Variants in ETF1 observed in about 807,000 individuals in gnomAD.
The protein encoded by ETF1 is eukaryotic peptide chain release factor subunit 1.
In ETF1, 4 loss-of-function variants were observed where a neutral mutation model predicts 55.1. The observed-to-expected ratio is 0.07, with a 90% confidence interval of 0.04 to 0.17. ETF1 has a LOEUF of 0.17. Among genes scored for constraint, ETF1 ranks in the 10% least tolerant of loss-of-function variants. The probability of loss-of-function intolerance (pLI) is 1.00; values close to 1 mark genes in which losing one functional copy is unlikely to be tolerated. For synonymous variants in ETF1, 157 were observed against 182.3 expected, an observed-to-expected ratio of 0.86 and a Z score of 1.12; for missense variants, 142 against 523.6, an observed-to-expected ratio of 0.27 and a Z score of 7.11.
chr5:138,526,485 C>T (rs1471523220), intron 2 of ETF1, among the ~76,000 whole-genome samples: 1 of 152,138 alleles, frequency 6.6e-6, no homozygotes, highest in Non-Finnish European at 1.5e-5. Context: ...TGGAAGTTTT[C>T]TCCTAGTGGT....
intron 2 of ETF1, among the ~76,000 whole-genome samples, chr5:138,523,588 G>A (rs990507215): frequency 2.0e-5 from 3 of 152,120 alleles, no homozygotes; most frequent in African/African-American, 4.8e-5. Flanking sequence ...GTTCACAATA[G>A]GCATTCCAGA....
chr5:138,533,719 G>A (rs1765800938), intron 2 of ETF1, among the ~76,000 whole-genome samples: 1 of 152,052 alleles, frequency 6.6e-6, no homozygotes, highest in Admixed American at 6.6e-5. Context: ...ACAACAAATT[G>A]TCAGTCCTTG....
chr5:138,530,634 C>T (rs555512956), intron 2 of ETF1, among the ~76,000 whole-genome samples: 110 of 151,900 alleles, frequency 7.2e-4, no homozygotes, highest in African/African-American at 2.5e-3. Context: ...AGTGCAGTGG[C>T]GCCATCTCTG....
At chr5:138,509,894 C>CA (rs34092773) in intron 9 of ETF1, among the ~76,000 whole-genome samples, 159 of 66,388 alleles carry the variant, frequency 2.4e-3, no homozygotes, top group African/African-American at 8.4e-3. Flanking sequence ...AACTCCACCT[C>CA]AAAAAAAAAA....
chr5:138,536,312 G>T, intron 2 of ETF1, among the ~76,000 whole-genome samples: 1 of 152,184 alleles, frequency 6.6e-6, no homozygotes, highest in East Asian at 1.9e-4. Flanking sequence ...CTATCTGTAT[G>T]ATAAGAACCA....
chr5:138,516,730 G>A (rs1333720449), intron 4 of ETF1, among the ~76,000 whole-genome samples: 1 of 152,172 alleles, frequency 6.6e-6, no homozygotes, highest in African/African-American at 2.4e-5. Context: ...CAACGGTTTG[G>A]AAAACAGTCT....
At chr5:138,510,694 T>C in intron 8 of ETF1, 65 bp from the exon 9 acceptor site, 1 of 1,590,044 alleles carries the variant, frequency 6.3e-7, no homozygotes. Context: ...GTAAGCTCCA[T>C]AAGATGAGGT....
At chr5:138,518,023 G>A (rs1765090405) in intron 3 of ETF1, 1 of 232,530 alleles carries the variant, frequency 4.3e-6, no homozygotes, top group African/African-American at 2.3e-5. Flanking sequence ...CCAACATGGT[G>A]AAACCCCATC....
In ETF1 at chr5:138,507,366, C is replaced by A. The variant is rs1252845919; in HGVS notation, c.*939G>T. On this transcript the variant is annotated 3_prime_UTR_variant, in exon 11 of 11. Coordinates refer to ENST00000360541, the MANE Select transcript of ETF1 (RefSeq NM_004730.4). ...TCACATAATCTCATGCCATCCAACA[C>A]AAGGAAAACACATCCACCTCCCTTT... The A allele has an allele frequency of 2.0e-5, 3 of 152,622 alleles. No individual in the cohort carries two copies. The highest frequency in any genetic ancestry group is 4.4e-5 in the Non-Finnish European group (3 of 68,034). 9.5% of individuals were successfully genotyped at this position (152,622 alleles called of 1,614,324 possible).
Position 138,543,203 on chromosome 5 carries a change from A to G in ETF1, c.-125T>C, listed in dbSNP as rs1188371575. The G allele has an allele frequency of 3.7e-6, 2 of 537,238 alleles. No homozygotes were observed. Among genetic ancestry groups the G allele is most frequent in the Non-Finnish European group, 6.6e-6 (2 of 303,310 alleles). The allele number at this position is 537,238 out of a possible 1,614,324, so 33.3% of individuals were successfully genotyped here. A position where few individuals can be genotyped will look rare whatever the true frequency, so the allele number is the denominator to read the frequency against. ...CGGCTCCCTCTCTCCAGGCAGCTGC[A>G]TGTGTTGCAATCCGCTCACATGGGG... On this transcript the variant is annotated 5_prime_UTR_variant, in exon 1 of 11. An upstream start codon of the reference 5' UTR is lost. Coordinates refer to ENST00000360541, the MANE Select transcript of ETF1 (RefSeq NM_004730.4).
At chr5:138,519,680 AT>A (rs1370980611) in intron 2 of ETF1, among the ~76,000 whole-genome samples, 3 of 151,372 alleles carry the variant, frequency 2.0e-5, no homozygotes, top group Non-Finnish European at 2.9e-5. Flanking sequence ...AAAAAAAAAA[AT>A]CTCTCTCTCA....
At chr5:138,539,791 T>G (rs1290902918) in intron 2 of ETF1, among the ~76,000 whole-genome samples, 1 of 152,224 alleles carries the variant, frequency 6.6e-6, no homozygotes, top group Non-Finnish European at 1.5e-5. Flanking sequence ...AGACTACATT[T>G]TAAGGAAATC....
At chr5:138,531,614 A>C (rs1313255406) in intron 2 of ETF1, among the ~76,000 whole-genome samples, 1 of 152,222 alleles carries the variant, frequency 6.6e-6, no homozygotes, top group Non-Finnish European at 1.5e-5. Flanking sequence ...CCTAACCGGG[A>C]TGTACAGTAC....
intron 9 of ETF1, among the ~76,000 whole-genome samples, chr5:138,509,808 T>C (rs1764691211): frequency 6.8e-6 from 1 of 147,106 alleles, no homozygotes. Context: ...GGCAGGAGAA[T>C]TGCTTGAACT....
chr5:138,538,181 C>G (rs973252998), intron 2 of ETF1, among the ~76,000 whole-genome samples: 4 of 144,220 alleles, frequency 2.8e-5, no homozygotes, highest in Non-Finnish European at 6.0e-5. Context: ...TGAGCCACCA[C>G]GCCCGGCCTG....
intron 10 of ETF1, 137 bp from the exon 11 acceptor site, chr5:138,508,524 C>G: frequency 1.3e-6 from 2 of 1,552,772 alleles, no homozygotes; most frequent in South Asian, 2.5e-5. Flanking sequence ...AAACATGGGT[C>G]CAAATTAGGA....
At chr5:138,513,450 C>T (rs1037270415) in intron 5 of ETF1, 118 bp downstream of exon 5, 59 of 908,942 alleles carry the variant, frequency 6.5e-5, no homozygotes, top group Middle Eastern at 7.3e-4. Context: ...GTGATCCACC[C>T]GGCTCGGCCT....
At position 138,508,709 on chromosome 5, in the gene ETF1, T is replaced by C. The variant is rs781465062; in HGVS notation, c.1191A>G (p.Gln397=). 18 of 1,613,128 alleles carry C rather than the reference T, an allele frequency of 1.1e-5. No homozygotes were observed. The highest frequency in any genetic ancestry group is 1.4e-5 in the Non-Finnish European group (17 of 1,180,030). The change falls in exon 10 of 11, where the codon CAA becomes CAG. Residue 397 remains glutamine (Q), a synonymous_variant. Coordinates refer to ENST00000360541, the MANE Select transcript of ETF1 (RefSeq NM_004730.4). ...ATLEIVTDKS[Q]EGSQFVKGFG... ...ATCCTTTCACAAACTGAGACCCTTCTTGTGATTTATCTGTGACAATTTCCA... is the reference window on the plus strand; with the variant it reads ...ATCCTTTCACAAACTGAGACCCTTCCTGTGATTTATCTGTGACAATTTCCA...
At chr5:138,525,429 T>C (rs2127101250) in intron 2 of ETF1, among the ~76,000 whole-genome samples, 1 of 151,334 alleles carries the variant, frequency 6.6e-6, no homozygotes, top group Non-Finnish European at 1.5e-5. Flanking sequence ...GTGATGGGAT[T>C]ACAGGCGTGA....
Sources: allele counts gnomAD v4.1 joint callset (sites outside exome capture counted in the v4.1 genomes callset), GRCh38; gene constraint gnomAD v4.1.1; transcripts MANE v1.5; gene names NCBI Gene and HGNC (gene_info 2026-07-23, HGNC 2026-07-21).